The following RTN4 variants were observed in gnomAD, a reference collection of about 807,000 sequenced individuals.
The protein encoded by RTN4 is reticulon 4.
In RTN4, 32 loss-of-function variants were observed where a neutral mutation model predicts 90.4. The observed-to-expected ratio is 0.35, with a 90% CI of 0.27 to 0.48. The LOEUF is 0.48. Among genes scored for constraint, RTN4 ranks in the 20% least tolerant of loss-of-function variants. The pLI, the probability that RTN4 is intolerant of heterozygous loss-of-function variation, is 0.99. For synonymous variants in RTN4, 629 were observed against 552.5 expected (o/e 1.14, Z -1.94); for missense variants, 1,706 against 1,430.2 (o/e 1.19, Z -3.11).
intron 2 of RTN4, among the ~76,000 whole-genome samples, chr2:55,064,976 A>T (rs1668364434): frequency 6.6e-6 from 1 of 152,152 alleles, no homozygotes; most frequent in African/African-American, 2.4e-5. Flanking sequence ...TTTCGAATGC[A>T]TGTGTTATAT....
the RTN4 span, among the ~76,000 whole-genome samples, chr2:55,129,491 G>A: frequency 6.6e-6 from 1 of 152,092 alleles, no homozygotes; most frequent in Admixed American, 6.5e-5. Flanking sequence ...GAGATAGGAG[G>A]ATTGCCTGAG....
intron 3 of RTN4, among the ~76,000 whole-genome samples, chr2:54,998,454 C>G (rs1259809936): frequency 6.6e-6 from 1 of 152,110 alleles, no homozygotes; most frequent in Non-Finnish European, 1.5e-5. Context: ...TGACAGGTCA[C>G]TAATTCTAAT....
At chr2:55,135,454 A>T in the RTN4 span, among the ~76,000 whole-genome samples, 5 of 152,024 alleles carry the variant, frequency 3.3e-5, no homozygotes, top group Non-Finnish European at 5.9e-5. Flanking sequence ...TGATCTGCCC[A>T]CCTCAGCCTC....
At chr2:54,988,425 G>C (rs1051177021) in intron 3 of RTN4, among the ~76,000 whole-genome samples, 1 of 152,012 alleles carries the variant, frequency 6.6e-6, no homozygotes, top group African/African-American at 2.4e-5. Flanking sequence ...ACTAAAATGA[G>C]ATACTTCAGT....
intron 3 of RTN4, among the ~76,000 whole-genome samples, chr2:54,995,746 T>C (rs1312874438): frequency 6.6e-6 from 1 of 152,064 alleles, no homozygotes; most frequent in Non-Finnish European, 1.5e-5. Flanking sequence ...ATGAGACAAC[T>C]GATACACACC....
chr2:54,999,710 A>T (rs1679717148), intron 3 of RTN4, among the ~76,000 whole-genome samples: 1 of 152,176 alleles, frequency 6.6e-6, no homozygotes, highest in South Asian at 2.1e-4. Context: ...TTATATATTT[A>T]TTAAGAATCA....
At chr2:54,996,377 A>T (rs1214019961) in intron 3 of RTN4, among the ~76,000 whole-genome samples, 2 of 152,260 alleles carry the variant, frequency 1.3e-5, no homozygotes, top group Non-Finnish European at 2.9e-5. Flanking sequence ...CAAAAAATCA[A>T]GAAAAACTTG....
chr2:55,043,640 T>C (rs890345749), intron 1 of RTN4, among the ~76,000 whole-genome samples: 2 of 151,966 alleles, frequency 1.3e-5, no homozygotes, highest in Non-Finnish European at 2.9e-5. Context: ...AATCCCAGAA[T>C]TGTGGGACAC....
the RTN4 span, among the ~76,000 whole-genome samples, chr2:55,136,583 T>C: frequency 6.6e-6 from 1 of 152,238 alleles, no homozygotes; most frequent in South Asian, 2.1e-4. Flanking sequence ...TTCTTTCGCC[T>C]GAGGCGGCAA....
intron 2 of RTN4, among the ~76,000 whole-genome samples, chr2:55,066,979 T>C (rs1337603638): frequency 6.6e-6 from 1 of 152,228 alleles, no homozygotes; most frequent in East Asian, 1.9e-4. Flanking sequence ...AGATTATCTA[T>C]GTATATTTGA....
chr2:54,981,315 T>G (rs1678109489), intron 5 of RTN4, among the ~76,000 whole-genome samples: 1 of 151,996 alleles, frequency 6.6e-6, no homozygotes, highest in African/African-American at 2.4e-5. Context: ...TTTAAGCACT[T>G]AAACCTATTC....
the RTN4 span, among the ~76,000 whole-genome samples, chr2:55,126,568 G>A: frequency 8.5e-5 from 13 of 152,152 alleles, no homozygotes; most frequent in African/African-American, 1.9e-4. Flanking sequence ...ACACTTATAC[G>A]CTGTTGGTGG....
intron 2 of RTN4, among the ~76,000 whole-genome samples, chr2:55,077,288 C>T (rs1668620218): frequency 6.6e-6 from 1 of 152,186 alleles, no homozygotes; most frequent in Admixed American, 6.5e-5. Context: ...GCTGGGATTA[C>T]AGGCGTGAGC....
At chr2:55,010,280 C>A in intron 3 of RTN4, 1 of 1,474,680 alleles carries the variant, frequency 6.8e-7, no homozygotes, top group East Asian at 2.4e-5. Context: ...ACTGAAGTCA[C>A]CTGACGTCTT....
At chr2:55,033,995 G>C (rs186580279) in intron 1 of RTN4, among the ~76,000 whole-genome samples, 6 of 151,872 alleles carry the variant, frequency 4.0e-5, no homozygotes, top group Admixed American at 3.3e-4. Context: ...CTGTATTTTT[G>C]TACCCCAGGT....
intron 1 of RTN4, among the ~76,000 whole-genome samples, chr2:55,089,979 G>A (rs1025969367): frequency 6.6e-6 from 1 of 152,240 alleles, no homozygotes; most frequent in Non-Finnish European, 1.5e-5. Context: ...TGTTAGAATA[G>A]GCACGAGGAA....
chr2:55,011,976 C>G (rs1036748247), intron 3 of RTN4, among the ~76,000 whole-genome samples: 1 of 152,138 alleles, frequency 6.6e-6, no homozygotes, highest in African/African-American at 2.4e-5. Context: ...GGCCTCTCCA[C>G]GCAACATTCA....
In RTN4 at chr2:54,982,525, T is replaced by C. The variant is rs1678220657; in HGVS notation, c.3350A>G (p.Asp1117Gly). 3 of 1,609,058 alleles carry C rather than the reference T, an allele frequency of 1.9e-6. No individual in the cohort carries two copies. Among genetic ancestry groups the C allele is most frequent in the Non-Finnish European group, 2.5e-6 (3 of 1,178,720 alleles). Residue 1117 changes from aspartate to glycine, a missense_variant, in exon 5 of 9, where the codon GAT becomes GGT. Physicochemically the swap from Asp to Gly is moderately conservative, Grantham distance 94 (BLOSUM62 -1). Transcript: ENST00000337526. ...GCAAAATAAACTTACCTTCAGAGAA[T>C]CAACTAAATCATCAACTAAGAAGAG... ...RRLFLVDDLVDSLKFAVLMWV... is the reference protein window; with the variant it reads ...RRLFLVDDLVGSLKFAVLMWV...
intron 1 of RTN4, among the ~76,000 whole-genome samples, chr2:55,048,725 A>G (rs1035242217): frequency 6.6e-6 from 1 of 152,106 alleles, no homozygotes; most frequent in African/African-American, 2.4e-5. Context: ...GAAAAACAGT[A>G]TTTCTAACCA....
Sources: gnomAD v4.1 joint callset for allele counts (sites outside exome capture counted in the v4.1 genomes callset) on GRCh38, gnomAD v4.1.1 for gene constraint, MANE v1.5 for transcripts, NCBI Gene and HGNC (gene_info 2026-07-23, HGNC 2026-07-21) for gene names.